Variants in SPAG16 observed in about 807,000 individuals in gnomAD.
SPAG16 encodes the protein sperm associated antigen 16, also known as sperm-associated antigen 16 protein.
A neutral mutation model predicts 80.4 loss-of-function variants in SPAG16; 86 were observed. The ratio of observed to expected loss-of-function variants is 1.07; its 90% CI spans 0.90 to 1.28. The LOEUF is 1.28. Among genes scored for constraint, SPAG16 ranks in the 50% most tolerant of loss-of-function variants. SPAG16 has a pLI of 0.00. For synonymous variants in SPAG16, 294 were observed against 265.9 expected, an observed-to-expected ratio of 1.11 and a Z score of -1.03; for missense variants, 870 against 765.3, an observed-to-expected ratio of 1.14 and a Z score of -1.61.
chr2:214,171,491 T>C (rs993557354), intron 15 of SPAG16, among the ~76,000 whole-genome samples: 1 of 152,040 alleles, frequency 6.6e-6, no homozygotes, highest in Non-Finnish European at 1.5e-5. Context: ...AAAACATTTA[T>C]TGAGGGCCTT....
chr2:213,693,254 A>T (rs1290672333), intron 10 of SPAG16, among the ~76,000 whole-genome samples: 1 of 152,222 alleles, frequency 6.6e-6, no homozygotes, highest in African/African-American at 2.4e-5. Context: ...TAAAGCAATG[A>T]GGCCTAACTG....
At chr2:213,530,778 G>C (rs577791453) in intron 10 of SPAG16, among the ~76,000 whole-genome samples, 21 of 151,604 alleles carry the variant, frequency 1.4e-4, no homozygotes, top group Admixed American at 5.9e-4. Context: ...CTGTTAGTTG[G>C]ATTTAAGGTC....
chr2:214,254,980 TTGA>T (rs1466300670), intron 15 of SPAG16, among the ~76,000 whole-genome samples: 1 of 152,062 alleles, frequency 6.6e-6, no homozygotes, highest in Admixed American at 6.6e-5. Flanking sequence ...GTTTTGACAC[TTGA>T]TAGCCTGAGG....
intron 10 of SPAG16, among the ~76,000 whole-genome samples, chr2:213,842,521 A>T (rs13032712): frequency 0.61 from 91,944 of 151,508 alleles, 29,354 homozygotes; most frequent in East Asian, 0.84. Flanking sequence ...GAATTTTTTT[A>T]AAAAAATAGG....
intron 14 of SPAG16, among the ~76,000 whole-genome samples, chr2:214,132,482 T>C (rs2054829124): frequency 6.6e-6 from 1 of 152,208 alleles, no homozygotes. Context: ...AACAATGGTC[T>C]AGAATGAAAA....
chr2:213,875,651 G>C (rs2076115570), intron 11 of SPAG16, among the ~76,000 whole-genome samples: 1 of 152,128 alleles, frequency 6.6e-6, no homozygotes, highest in African/African-American at 2.4e-5. Context: ...CTGCGGAATT[G>C]AGATCCTCTG....
Position 213,631,845 on chromosome 2 carries a change from G to A in SPAG16, c.1070+141755G>A, listed in dbSNP as rs187622173. 1.5e-3 allele frequency among the ~76,000 whole-genome samples: 223 copies of A among 152,224 alleles called. 1 individual carries two copies. The highest frequency in any genetic ancestry group is 4.3e-3 in the African/African-American group (179 of 41,554). On this transcript the variant is annotated intron_variant, in intron 10 of 15. Transcript: ENST00000331683. ...TCTATTTTGTTCTATGGGCCTATGT[G>A]TGTGGTTTTATGCCAGTATCATGCT...
At chr2:213,439,095 G>A (rs2070794450) in intron 9 of SPAG16, among the ~76,000 whole-genome samples, 1 of 152,166 alleles carries the variant, frequency 6.6e-6, no homozygotes. Context: ...CTTGATTTCA[G>A]CCTGGGGAGA....
chr2:214,243,286 G>A (rs1310947264), intron 15 of SPAG16, among the ~76,000 whole-genome samples: 2 of 152,022 alleles, frequency 1.3e-5, no homozygotes, highest in East Asian at 1.9e-4. Context: ...CTTTTCAGTG[G>A]TCCCTTAAGA....
intron 15 of SPAG16, among the ~76,000 whole-genome samples, chr2:214,296,440 C>G (rs980597550): frequency 1.3e-5 from 2 of 152,106 alleles, no homozygotes; most frequent in African/African-American, 4.8e-5. Flanking sequence ...AATAGTAGTT[C>G]TATTTTTAGT....
At chr2:213,389,196 G>C (rs2067607456) in intron 9 of SPAG16, among the ~76,000 whole-genome samples, 1 of 152,028 alleles carries the variant, frequency 6.6e-6, no homozygotes, top group African/African-American at 2.4e-5. Flanking sequence ...ATTGTGCTGG[G>C]AATACTGGGT....
At chr2:213,351,955 A>T (rs2065353009) in intron 7 of SPAG16, among the ~76,000 whole-genome samples, 1 of 152,106 alleles carries the variant, frequency 6.6e-6, no homozygotes, top group South Asian at 2.1e-4. Context: ...GAGGTAACTG[A>T]ATCATGGGGG....
At chr2:213,320,900 T>A (rs1287257277) in intron 5 of SPAG16, among the ~76,000 whole-genome samples, 2 of 152,070 alleles carry the variant, frequency 1.3e-5, no homozygotes, top group Non-Finnish European at 2.9e-5. Flanking sequence ...TTTTCCGAAC[T>A]ACATCTGTCA....
At chr2:213,709,532 A>G (rs1418496712) in intron 10 of SPAG16, among the ~76,000 whole-genome samples, 1 of 151,970 alleles carries the variant, frequency 6.6e-6, no homozygotes, top group African/African-American at 2.4e-5. Context: ...TTGATTAAAC[A>G]GGGGTTCATT....
At position 213,810,239 on chromosome 2, in the gene SPAG16, T is replaced by C. The variant is rs57542028; in HGVS notation, c.1071-52246T>C. Among the ~76,000 whole-genome samples, 1,328 of 152,274 alleles carry C rather than the reference T, an allele frequency of 8.7e-3. 24 individuals are homozygous for C. The highest frequency in any genetic ancestry group is 0.029 in the African/African-American group (1,201 of 41,558). On this transcript the variant is annotated intron_variant, in intron 10 of 15. Transcript: ENST00000331683. ...TTGCCAAAGTAGACTGAGAATAGCA[T>C]GGACATTAAGAAGGTCCAGGATTTT...
At chr2:213,533,770 C>T (rs1441827192) in intron 10 of SPAG16, among the ~76,000 whole-genome samples, 1 of 152,018 alleles carries the variant, frequency 6.6e-6, no homozygotes, top group Non-Finnish European at 1.5e-5. Flanking sequence ...TATCTATGAT[C>T]CTACTAATCA....
chr2:214,255,926 C>A (rs1209710343), intron 15 of SPAG16, among the ~76,000 whole-genome samples: 6 of 151,900 alleles, frequency 3.9e-5, no homozygotes, highest in Admixed American at 2.0e-4. Flanking sequence ...TGTGAACATT[C>A]TTCTACATAG....
chr2:214,261,847 C>T (rs2125873786), intron 15 of SPAG16, among the ~76,000 whole-genome samples: 1 of 152,116 alleles, frequency 6.6e-6, no homozygotes, highest in Non-Finnish European at 1.5e-5. Context: ...GATGAGAGAC[C>T]TCTGTGGAAT....
At chr2:214,067,761 A>C (rs1269251317) in intron 13 of SPAG16, among the ~76,000 whole-genome samples, 1 of 152,120 alleles carries the variant, frequency 6.6e-6, no homozygotes, top group Non-Finnish European at 1.5e-5. Flanking sequence ...TATTATTTTC[A>C]TGCTATCAAA....
Sources: allele counts gnomAD v4.1 joint callset (sites outside exome capture counted in the v4.1 genomes callset), GRCh38; gene constraint gnomAD v4.1.1; transcripts MANE v1.5; gene names NCBI Gene and HGNC (gene_info 2026-07-23, HGNC 2026-07-21).